Variants in CACNB2 observed in about 807,000 individuals in gnomAD.
CACNB2 encodes calcium voltage-gated channel auxiliary subunit beta 2.
Under a neutral mutation model 73.3 loss-of-function variants are expected in CACNB2, and 42 were observed. The ratio of observed to expected loss-of-function variants is 0.57; its 90% CI spans 0.45 to 0.74. The LOEUF (loss-of-function observed/expected upper bound fraction) is 0.74, where lower values mean the gene tolerates loss of function less well. CACNB2 is among the 30% of genes least tolerant of loss of function. The pLI, the probability that CACNB2 is intolerant of heterozygous loss-of-function variation, is 0.00. For missense variants in CACNB2, 940 were observed against 853.0 expected (o/e 1.10, Z -1.27); for synonymous variants, 348 against 310.3 (o/e 1.12, Z -1.28).
chr10:18,300,549 A>G (rs1318915741), intron 2 of CACNB2, among the ~76,000 whole-genome samples: 1 of 152,278 alleles, frequency 6.6e-6, no homozygotes, highest in Non-Finnish European at 1.5e-5. Flanking sequence ...TACAGCAATG[A>G]CAACGTATTT....
chr10:18,456,855 G>C (rs145815072), intron 3 of CACNB2, among the ~76,000 whole-genome samples: 1 of 152,092 alleles, frequency 6.6e-6, no homozygotes, highest in South Asian at 2.1e-4. Flanking sequence ...ATATTCCACC[G>C]TATGCATATA....
chr10:18,479,696 TCTC>T (rs1564597243), intron 3 of CACNB2, among the ~76,000 whole-genome samples: 1 of 150,904 alleles, frequency 6.6e-6, no homozygotes, highest in African/African-American at 2.4e-5. Context: ...TGTCTCTCTC[TCTC>T]GCTCGCTCGC....
Position 18,290,112 on chromosome 10 carries a change from C to CTTTTTTTTTTTTTTTTTTTTTTTTTTTT in CACNB2, c.214-111785_214-111784insTTTTTTTTTTTTTTTTTTTTTTTTTTTT, listed in dbSNP as rs992393946. On this transcript the variant is annotated intron_variant, in intron 2 of 13. Transcript: ENST00000324631. ...TAAAGTTTTTTTCTTTTTTCTTTTTCTTTTTTTTTTTTTTTTTTTTTTTTT... is the reference window on the plus strand; with the variant it reads ...TAAAGTTTTTTTCTTTTTTCTTTTTCTTTTTTTTTTTTTTTTTTTTTTTTTTTTTTTTTTTTTTTTTTTTTTTTTTTTT... Among the ~76,000 whole-genome samples the CTTTTTTTTTTTTTTTTTTTTTTTTTTTT allele has an allele frequency of 8.0e-5, 4 of 50,134 alleles. 1 individual carries two copies. Among genetic ancestry groups the CTTTTTTTTTTTTTTTTTTTTTTTTTTTT allele is most frequent in the Non-Finnish European group, 1.1e-4 (3 of 26,224 alleles). The allele number at this position is 50,134 out of a possible 152,430, so 32.9% of individuals were successfully genotyped here.
At chr10:18,390,252 G>A (rs1488222574) in intron 2 of CACNB2, among the ~76,000 whole-genome samples, 1 of 152,104 alleles carries the variant, frequency 6.6e-6, no homozygotes, top group Non-Finnish European at 1.5e-5. Flanking sequence ...TCACTCCTTC[G>A]CCCAGGCTGG....
intron 3 of CACNB2, among the ~76,000 whole-genome samples, chr10:18,405,691 C>T (rs944073730): frequency 2.0e-5 from 3 of 152,180 alleles, no homozygotes; most frequent in African/African-American, 7.2e-5. Context: ...GGCACAATGG[C>T]TCATGCCTGT....
chr10:18,237,431 A>G (rs920059798), intron 2 of CACNB2, among the ~76,000 whole-genome samples: 2 of 152,196 alleles, frequency 1.3e-5, no homozygotes, highest in East Asian at 1.9e-4. Context: ...GGGCAGATGC[A>G]TCTACAAGCC....
At chr10:18,493,088 C>T (rs1358857284) in intron 3 of CACNB2, among the ~76,000 whole-genome samples, 6 of 152,242 alleles carry the variant, frequency 3.9e-5, no homozygotes, top group Admixed American at 3.3e-4. Flanking sequence ...ATTTGCATAG[C>T]GTTTACCTTG....
chr10:18,193,130 G>C (rs1447289435), intron 2 of CACNB2, among the ~76,000 whole-genome samples: 1 of 152,048 alleles, frequency 6.6e-6, no homozygotes, highest in South Asian at 2.1e-4. Context: ...ATCAAATCAG[G>C]GTAATTAGCA....
intron 2 of CACNB2, among the ~76,000 whole-genome samples, chr10:18,156,011 C>T (rs1340414140): frequency 3.3e-5 from 5 of 151,718 alleles, no homozygotes; most frequent in African/African-American, 1.2e-4. Flanking sequence ...GTCAATTTCT[C>T]ATTAGTCATA....
chr10:18,355,492 CTT>C (rs2041870191), intron 2 of CACNB2, among the ~76,000 whole-genome samples: 1 of 152,004 alleles, frequency 6.6e-6, no homozygotes, highest in Admixed American at 6.6e-5. Flanking sequence ...GATTACGACA[CTT>C]GAATAAATGT....
At chr10:18,164,815 T>C (rs191225813) in intron 2 of CACNB2, among the ~76,000 whole-genome samples, 5 of 152,284 alleles carry the variant, frequency 3.3e-5, no homozygotes, top group East Asian at 3.9e-4. Flanking sequence ...GACCGTTTTG[T>C]GTGCGTGTGT....
chr10:18,378,340 A>G (rs1202852107), intron 2 of CACNB2, among the ~76,000 whole-genome samples: 1 of 152,258 alleles, frequency 6.6e-6, no homozygotes, highest in Non-Finnish European at 1.5e-5. Flanking sequence ...AAACACTGAC[A>G]CAGCCTGACA....
At chr10:18,469,981 G>A (rs1349959281) in intron 3 of CACNB2, among the ~76,000 whole-genome samples, 1 of 152,022 alleles carries the variant, frequency 6.6e-6, no homozygotes, top group African/African-American at 2.4e-5. Context: ...AACAAAAACA[G>A]AGATTAATTA....
intron 2 of CACNB2, among the ~76,000 whole-genome samples, chr10:18,222,753 A>G (rs192098866): frequency 1.6e-4 from 25 of 152,256 alleles, no homozygotes; most frequent in Middle Eastern, 3.4e-3. Context: ...CCTGGCCAAC[A>G]TGGTAAAACC....
At chr10:18,383,169 A>G (rs1428507213) in intron 2 of CACNB2, among the ~76,000 whole-genome samples, 1 of 152,250 alleles carries the variant, frequency 6.6e-6, no homozygotes, top group Non-Finnish European at 1.5e-5. Context: ...ACAGACACAT[A>G]CTTTATTCTG....
intron 2 of CACNB2, among the ~76,000 whole-genome samples, chr10:18,365,689 A>T (rs542185640): frequency 6.6e-6 from 1 of 152,334 alleles, no homozygotes; most frequent in South Asian, 2.1e-4. Flanking sequence ...TCTCTGGATT[A>T]TAACGTTGGG....
chr10:18,265,370 A>T (rs2037748620), intron 2 of CACNB2, among the ~76,000 whole-genome samples: 1 of 152,010 alleles, frequency 6.6e-6, no homozygotes, highest in Admixed American at 6.6e-5. Flanking sequence ...TGCCCTTGTG[A>T]TCCGCCCACC....
chr10:18,267,181 A>G (rs535706182), intron 2 of CACNB2, among the ~76,000 whole-genome samples: 14 of 106,560 alleles, frequency 1.3e-4, no homozygotes, highest in South Asian at 9.2e-4. Flanking sequence ...TGATAACTTC[A>G]TATTTGGAAC....
chr10:18,282,279 A>G (rs553277829), intron 2 of CACNB2, among the ~76,000 whole-genome samples: 1 of 152,300 alleles, frequency 6.6e-6, no homozygotes, highest in African/African-American at 2.4e-5. Context: ...GAGGTAGCAC[A>G]GAGGACACTG....
Sources: gnomAD v4.1 joint callset for allele counts (sites outside exome capture counted in the v4.1 genomes callset) on GRCh38, gnomAD v4.1.1 for gene constraint, MANE v1.5 for transcripts, NCBI Gene and HGNC (gene_info 2026-07-23, HGNC 2026-07-21) for gene names.